PCSK5: variants seen among roughly 807,000 people sequenced by gnomAD.
PCSK5 encodes prohormone convertase 5.
In PCSK5, 129 loss-of-function variants were observed where a neutral mutation model predicts 233.2. The ratio of observed to expected loss-of-function variants is 0.55; its 90% CI spans 0.48 to 0.64. The LOEUF (loss-of-function observed/expected upper bound fraction) is 0.64. Among genes scored for constraint, PCSK5 ranks in the 30% least tolerant of loss-of-function variants. The probability of loss-of-function intolerance (pLI) is 0.00; values close to 1 mark genes in which losing one functional copy is unlikely to be tolerated. For missense variants in PCSK5, 2,076 were observed against 2,430.1 expected, an observed-to-expected ratio of 0.85 and a Z score of 3.06; for synonymous variants, 825 against 879.2, an observed-to-expected ratio of 0.94 and a Z score of 1.09.
intron 1 of PCSK5, among the ~76,000 whole-genome samples, chr9:75,928,899 A>G (rs1393385602): frequency 6.6e-6 from 1 of 150,942 alleles, no homozygotes; most frequent in East Asian, 1.9e-4. Context: ...GCTCTACTGT[A>G]TGTGGTTTCA....
At chr9:76,074,803 TC>T (rs1830588386) in intron 7 of PCSK5, among the ~76,000 whole-genome samples, 1 of 152,192 alleles carries the variant, frequency 6.6e-6, no homozygotes, top group African/African-American at 2.4e-5. Flanking sequence ...AGAGAAAAGA[TC>T]ATGTCCTCCT....
intron 35 of PCSK5, among the ~76,000 whole-genome samples, chr9:76,344,074 G>A (rs1186693843): frequency 6.6e-6 from 1 of 152,088 alleles, no homozygotes; most frequent in Non-Finnish European, 1.5e-5. Flanking sequence ...AAAGTCCAAT[G>A]TTTATTTTAC....
At chr9:76,142,221 A>AT (rs1237021364) in intron 10 of PCSK5, among the ~76,000 whole-genome samples, 2 of 151,848 alleles carry the variant, frequency 1.3e-5, no homozygotes, top group Non-Finnish European at 2.9e-5. Context: ...CTGTATGAAT[A>AT]TACCACAATT....
chr9:75,959,689 G>A (rs936792372), intron 2 of PCSK5, among the ~76,000 whole-genome samples: 18 of 152,186 alleles, frequency 1.2e-4, no homozygotes, highest in African/African-American at 4.3e-4. Context: ...GGCACAAATG[G>A]AGATATTTGC....
intron 2 of PCSK5, among the ~76,000 whole-genome samples, chr9:75,964,088 A>G (rs566447561): frequency 6.6e-6 from 1 of 152,336 alleles, no homozygotes; most frequent in Admixed American, 6.5e-5. Context: ...GAAGCTATGT[A>G]GGGAGAGTAT....
At chr9:76,357,066 A>T (rs1257978953) in intron 37 of PCSK5, among the ~76,000 whole-genome samples, 1 of 152,206 alleles carries the variant, frequency 6.6e-6, no homozygotes, top group Non-Finnish European at 1.5e-5. Flanking sequence ...CCCAAATCAT[A>T]CCACCTGGAA....
At chr9:76,325,896 C>T (rs917939692) in intron 32 of PCSK5, among the ~76,000 whole-genome samples, 1 of 152,168 alleles carries the variant, frequency 6.6e-6, no homozygotes, top group Non-Finnish European at 1.5e-5. Flanking sequence ...CTCTGCCTCC[C>T]AAAGTGCTGG....
intron 34 of PCSK5, 94 bp from the exon 35 acceptor site, chr9:76,338,136 G>C (rs1414900072): frequency 3.7e-6 from 3 of 818,888 alleles, no homozygotes; most frequent in African/African-American, 1.7e-5. Flanking sequence ...AAGTCACTCA[G>C]CTTGTAAATG....
intron 20 of PCSK5, chr9:76,194,783 A>G (rs1206253316): frequency 2.1e-5 from 10 of 466,650 alleles, no homozygotes; most frequent in African/African-American, 2.0e-4. Flanking sequence ...AAGTTTCTTC[A>G]TATCAAAGCT....
chr9:76,322,569 AT>A (rs1355446171), intron 31 of PCSK5, among the ~76,000 whole-genome samples: 1 of 152,242 alleles, frequency 6.6e-6, no homozygotes, highest in African/African-American at 2.4e-5. Context: ...CACAAAAAAA[AT>A]AAACCCGCAA....
At chr9:76,349,933 ACTT>A (rs1407050842) in intron 35 of PCSK5, among the ~76,000 whole-genome samples, 1 of 152,120 alleles carries the variant, frequency 6.6e-6, no homozygotes, top group Non-Finnish European at 1.5e-5. Flanking sequence ...GCAGATTCAG[ACTT>A]CTTCTATTTG....
At chr9:76,175,375 C>A in intron 14 of PCSK5, 1 of 516,072 alleles carries the variant, frequency 1.9e-6, no homozygotes, top group Non-Finnish European at 3.4e-6. Context: ...ATTTTCTTCC[C>A]CTTAAATATT....
At chr9:76,282,820 A>G (rs919942290) in intron 24 of PCSK5, among the ~76,000 whole-genome samples, 7 of 152,102 alleles carry the variant, frequency 4.6e-5, no homozygotes, top group Non-Finnish European at 8.8e-5. Context: ...CTTCATGTCC[A>G]TGGGATTCAC....
intron 16 of PCSK5, among the ~76,000 whole-genome samples, chr9:76,184,136 A>G (rs978804962): frequency 3.9e-5 from 6 of 152,230 alleles, no homozygotes; most frequent in Non-Finnish European, 5.9e-5. Flanking sequence ...ACACTAAAAT[A>G]GTGTTTAAAA....
chr9:76,126,181 ATG>A (rs71499131), intron 9 of PCSK5, among the ~76,000 whole-genome samples: 12 of 150,416 alleles, frequency 8.0e-5, no homozygotes, highest in African/African-American at 1.5e-4. Flanking sequence ...GTGTGTGTGT[ATG>A]TGTGTGTGTG....
At chr9:75,927,811 A>G (rs1471739000) in intron 1 of PCSK5, among the ~76,000 whole-genome samples, 2 of 152,188 alleles carry the variant, frequency 1.3e-5, no homozygotes, top group African/African-American at 4.8e-5. Context: ...AACTTCGGTG[A>G]TTATTTTTTG....
At chr9:76,112,758 C>T (rs1832274941) in intron 9 of PCSK5, among the ~76,000 whole-genome samples, 1 of 151,872 alleles carries the variant, frequency 6.6e-6, no homozygotes, top group African/African-American at 2.4e-5. Context: ...TTTATATTCT[C>T]ATTAGGGAAG....
At chr9:76,150,039 T>G (rs1310735407) in intron 10 of PCSK5, among the ~76,000 whole-genome samples, 1 of 152,220 alleles carries the variant, frequency 6.6e-6, no homozygotes, top group Non-Finnish European at 1.5e-5. Flanking sequence ...TGTGTGTGTA[T>G]ATATAAACAT....
chr9:75,927,281 T>C (rs1189039711), intron 1 of PCSK5, among the ~76,000 whole-genome samples: 2 of 152,132 alleles, frequency 1.3e-5, no homozygotes, highest in East Asian at 3.9e-4. Flanking sequence ...GGTTAATTTG[T>C]TTGTAGAATG....
Sources: allele counts gnomAD v4.1 joint callset (sites outside exome capture counted in the v4.1 genomes callset), GRCh38; gene constraint gnomAD v4.1.1; transcripts MANE v1.5; gene names NCBI Gene and HGNC (gene_info 2026-07-23, HGNC 2026-07-21).